The following PPP1R9A variants were observed in gnomAD, a reference collection of about 807,000 sequenced individuals.
The protein encoded by PPP1R9A is neurabin-1.
Under a neutral mutation model 141.9 loss-of-function variants are expected in PPP1R9A, and 59 were observed. The ratio of observed to expected loss-of-function variants is 0.42; its 90% CI spans 0.34 to 0.52. The LOEUF (loss-of-function observed/expected upper bound fraction) is 0.52. Ranked by LOEUF, PPP1R9A falls within the 20% of genes least tolerant of loss-of-function variation. PPP1R9A has a pLI of 0.10. For missense variants in PPP1R9A, 1,444 were observed against 1,611.9 expected (o/e 0.90, Z 1.78); for synonymous variants, 500 against 569.7 (o/e 0.88, Z 1.74).
chr7:95,270,317 A>G (rs1801972296), intron 14 of PPP1R9A, among the ~76,000 whole-genome samples: 1 of 152,220 alleles, frequency 6.6e-6, no homozygotes, highest in Non-Finnish European at 1.5e-5. Context: ...AAAGTGTTAT[A>G]CCTTTACTTT....
At chr7:94,968,190 T>C (rs573491744) in intron 2 of PPP1R9A, among the ~76,000 whole-genome samples, 77 of 152,140 alleles carry the variant, frequency 5.1e-4, no homozygotes, top group South Asian at 6.2e-4. Context: ...CTTTTTTTTT[T>C]GAGACGGAGT....
intron 2 of PPP1R9A, among the ~76,000 whole-genome samples, chr7:95,076,494 T>G (rs558798667): frequency 6.6e-6 from 1 of 152,174 alleles, no homozygotes; most frequent in African/African-American, 2.4e-5. Context: ...CTGGACTCTC[T>G]GTTTCATCAA....
rs939143203 is a variant in PPP1R9A, at chr7:95,032,391, G to A, written c.1396-78868G>A. 2.6e-5 allele frequency among the ~76,000 whole-genome samples: 4 copies of A among 151,934 alleles called. No homozygotes were observed. The East Asian group carries it at 7.7e-4, about 29-fold the overall frequency. On this transcript the variant is annotated intron_variant, in intron 2 of 19. Coordinates refer to ENST00000433360, the MANE Select transcript of PPP1R9A (RefSeq NM_001166160.2). Reference sequence around the variant, plus strand: ...TTTTTTAAATTGAATGAGAAACTGAGATCTAGAGGAGCAAGCTCACTATTC... The same window carrying A: ...TTTTTTAAATTGAATGAGAAACTGAAATCTAGAGGAGCAAGCTCACTATTC...
At chr7:95,030,852 C>A (rs372947850) in intron 2 of PPP1R9A, among the ~76,000 whole-genome samples, 1 of 152,186 alleles carries the variant, frequency 6.6e-6, no homozygotes, top group Non-Finnish European at 1.5e-5. Context: ...AAATATTTAA[C>A]AACCTATGTG....
chr7:94,959,047 G>A (rs1797347434), intron 2 of PPP1R9A, among the ~76,000 whole-genome samples: 1 of 151,926 alleles, frequency 6.6e-6, no homozygotes, highest in Non-Finnish European at 1.5e-5. Context: ...TATGATAATG[G>A]AAGGACAACT....
intron 2 of PPP1R9A, among the ~76,000 whole-genome samples, chr7:94,971,497 AC>A (rs1798855507): frequency 6.6e-6 from 1 of 152,054 alleles, no homozygotes; most frequent in African/African-American, 2.4e-5. Flanking sequence ...GTGTAAAATA[AC>A]TCTTAACTCT....
At chr7:94,970,414 C>T (rs1355520672) in intron 2 of PPP1R9A, among the ~76,000 whole-genome samples, 1 of 152,148 alleles carries the variant, frequency 6.6e-6, no homozygotes, top group African/African-American at 2.4e-5. Flanking sequence ...TTCCCTGACC[C>T]CTTGCACTTA....
At chr7:95,176,874 A>G (rs1381477223) in intron 5 of PPP1R9A, among the ~76,000 whole-genome samples, 4 of 152,190 alleles carry the variant, frequency 2.6e-5, no homozygotes, top group Non-Finnish European at 5.9e-5. Context: ...GATTATGTTA[A>G]TCCACCAAAC....
chr7:95,160,207 C>T (rs1451397019), intron 4 of PPP1R9A, among the ~76,000 whole-genome samples: 2 of 152,110 alleles, frequency 1.3e-5, no homozygotes, highest in East Asian at 3.9e-4. Context: ...TGTAAGTATA[C>T]AGATGCACAT....
intron 5 of PPP1R9A, among the ~76,000 whole-genome samples, chr7:95,168,348 G>A (rs1383378249): frequency 6.6e-6 from 1 of 151,958 alleles, no homozygotes; most frequent in Admixed American, 6.6e-5. Context: ...ATTTGCAGGA[G>A]AATGAAACTG....
intron 4 of PPP1R9A, among the ~76,000 whole-genome samples, chr7:95,137,220 G>T (rs1302047500): frequency 6.6e-6 from 1 of 150,732 alleles, no homozygotes; most frequent in African/African-American, 2.4e-5. Context: ...ATCTCCTAAT[G>T]CTATCCCTCC....
chr7:95,047,835 G>T lies in PPP1R9A; in HGVS notation c.1396-63424G>T, dbSNP rs1323118642. Among the ~76,000 whole-genome samples the T allele has an allele frequency of 2.6e-5, 4 of 152,134 alleles. No homozygotes were observed. The South Asian group carries it at 6.2e-4, about 24-fold the overall frequency. On this transcript the variant is annotated intron_variant, in intron 2 of 19. Transcript: ENST00000433360. ...TTTGCAGTTGGAAGTACTCCATATA[G>T]AAAGTGTTTGAAGTTTTTACAAAAA...
At chr7:95,235,272 C>G (rs1327932540) in intron 8 of PPP1R9A, among the ~76,000 whole-genome samples, 1 of 152,110 alleles carries the variant, frequency 6.6e-6, no homozygotes, top group Non-Finnish European at 1.5e-5. Context: ...ATACATCTGA[C>G]AAAGAACGAA....
At chr7:95,233,542 T>C (rs1047806710) in intron 8 of PPP1R9A, among the ~76,000 whole-genome samples, 1 of 151,714 alleles carries the variant, frequency 6.6e-6, no homozygotes, top group Non-Finnish European at 1.5e-5. Context: ...ATGTAAAAAA[T>C]TGCCAACAAA....
intron 8 of PPP1R9A, among the ~76,000 whole-genome samples, chr7:95,232,295 G>A (rs547734037): frequency 6.6e-6 from 1 of 152,126 alleles, no homozygotes; most frequent in East Asian, 1.9e-4. Context: ...TTAATAAATA[G>A]TGTTAGGAAA....
At chr7:95,210,834 A>AATG (rs1791950857) in intron 7 of PPP1R9A, among the ~76,000 whole-genome samples, 1 of 152,126 alleles carries the variant, frequency 6.6e-6, no homozygotes, top group Non-Finnish European at 1.5e-5. Flanking sequence ...AGGATGAGTT[A>AATG]ATGTCCTTTG....
intron 2 of PPP1R9A, among the ~76,000 whole-genome samples, chr7:94,960,569 G>A (rs907586654): frequency 1.3e-5 from 2 of 151,648 alleles, no homozygotes; most frequent in African/African-American, 4.8e-5. Flanking sequence ...CTACACCTTA[G>A]CAGATGTTTT....
intron 7 of PPP1R9A, among the ~76,000 whole-genome samples, chr7:95,205,833 G>A (rs760261714): frequency 2.0e-5 from 3 of 152,054 alleles, no homozygotes; most frequent in Admixed American, 2.0e-4. Flanking sequence ...CCATTAGCCT[G>A]TAATCTCTTC....
At chr7:95,238,349 A>G (rs181895166) in intron 8 of PPP1R9A, among the ~76,000 whole-genome samples, 28 of 152,258 alleles carry the variant, frequency 1.8e-4, no homozygotes, top group African/African-American at 6.7e-4. Context: ...CCAAAGGATA[A>G]TAAGTTAGTG....
Sources: allele counts gnomAD v4.1 joint callset (sites outside exome capture counted in the v4.1 genomes callset), GRCh38; gene constraint gnomAD v4.1.1; transcripts MANE v1.5; gene names NCBI Gene and HGNC (gene_info 2026-07-23, HGNC 2026-07-21).